Variants in NDST4 observed in about 807,000 individuals in gnomAD.
NDST4 encodes N-heparan sulfate sulfotransferase 4.
In NDST4, 63 loss-of-function variants were observed where a neutral mutation model predicts 100.8. The ratio of observed to expected loss-of-function variants is 0.62; its 90% CI spans 0.51 to 0.77. NDST4 has a LOEUF of 0.77. NDST4 is among the 30% of genes least tolerant of loss of function. NDST4 has a pLI of 0.00. For missense variants in NDST4, 943 were observed against 1,018.4 expected, an observed-to-expected ratio of 0.93 and a Z score of 1.01; for synonymous variants, 377 against 361.8, an observed-to-expected ratio of 1.04 and a Z score of -0.48.
In NDST4 at chr4:115,013,368, T is replaced by C. The variant is rs370727569; in HGVS notation, c.979-36094A>G. 1.3e-4 allele frequency among the ~76,000 whole-genome samples: 15 copies of C among 115,804 alleles called. 1 individual carries two copies. Among genetic ancestry groups the C allele is most frequent in the African/African-American group, 1.3e-4 (4 of 30,726 alleles). The allele number at this position is 115,804 out of a possible 152,430, so 76.0% of individuals were successfully genotyped here. ...TACCATATATATATATATATATATA[T>C]ATACACACACATACATACCTAATAT... On this transcript the variant is annotated intron_variant, in intron 2 of 13. Coordinates refer to ENST00000264363, the MANE Select transcript of NDST4 (RefSeq NM_022569.3).
chr4:115,092,674 G>A (rs1479099726), intron 1 of NDST4, among the ~76,000 whole-genome samples: 1 of 152,078 alleles, frequency 6.6e-6, no homozygotes, highest in South Asian at 2.1e-4. Context: ...TAAGTTAAGG[G>A]TGTATATTGT....
At chr4:114,933,545 T>C (rs1725562403) in intron 6 of NDST4, among the ~76,000 whole-genome samples, 1 of 139,776 alleles carries the variant, frequency 7.2e-6, no homozygotes, top group Non-Finnish European at 1.5e-5. Flanking sequence ...GCAACGGACA[T>C]AAATAACAGA....
chr4:115,092,637 A>G (rs975938296), intron 1 of NDST4, among the ~76,000 whole-genome samples: 2 of 152,166 alleles, frequency 1.3e-5, no homozygotes, highest in African/African-American at 4.8e-5. Context: ...TGCAAAGGTC[A>G]TAGTATCAGT....
intron 10 of NDST4, among the ~76,000 whole-genome samples, chr4:114,840,108 G>A (rs549348836): frequency 1.2e-4 from 19 of 152,136 alleles, no homozygotes; most frequent in Non-Finnish European, 2.2e-4. Context: ...AGAGAAAGCT[G>A]CTGTCTATTT....
intron 4 of NDST4, among the ~76,000 whole-genome samples, chr4:114,957,984 G>C (rs1218167409): frequency 2.6e-5 from 4 of 152,230 alleles, no homozygotes; most frequent in Non-Finnish European, 5.9e-5. Context: ...TGGCTTGAGT[G>C]TCTGTGGCTT....
chr4:114,863,780 G>A lies in NDST4; in HGVS notation c.1719+6988C>T, dbSNP rs549492865. The stretch of plus-strand genomic sequence containing the variant: ...GGTTTGTATTTGTGGAATATATGAG[G>A]CAAATTTACTTTTAAGTAAACATAA... On this transcript the variant is annotated intron_variant, in intron 7 of 13. Transcript: ENST00000264363. 5.3e-5 allele frequency among the ~76,000 whole-genome samples: 8 copies of A among 152,278 alleles called. No homozygotes were observed. In the East Asian group the frequency reaches 1.5e-3, roughly 29 times the overall value.
chr4:114,997,817 C>T (rs569452895), intron 2 of NDST4, among the ~76,000 whole-genome samples: 8 of 152,018 alleles, frequency 5.3e-5, no homozygotes, highest in South Asian at 4.2e-4. Context: ...ATTATGTTAG[C>T]GATGTTCTTT....
chr4:114,935,348 G>T lies in NDST4; in HGVS notation c.1408-14C>A, dbSNP rs746311895. ...TCGAGGGAGGACCTGAGTAAAAAAG[G>T]GGAAAAACAGCACATGGACGTGATT... is the stretch of plus-strand genomic sequence containing the variant. On this transcript the variant is annotated splice_polypyrimidine_tract_variant and intron_variant, in intron 5 of 13. Transcript: ENST00000264363. 4.5e-6 allele frequency: 7 copies of T among 1,547,902 alleles called. No homozygotes were observed. The highest frequency in any genetic ancestry group is 1.7e-6 in the Non-Finnish European group (2 of 1,147,502).
At chr4:114,951,947 A>T (rs1471131127) in intron 4 of NDST4, among the ~76,000 whole-genome samples, 1 of 152,196 alleles carries the variant, frequency 6.6e-6, no homozygotes, top group Non-Finnish European at 1.5e-5. Context: ...GAAAATACTA[A>T]TTTGCTTTAA....
chr4:115,042,556 T>C (rs968915655), intron 2 of NDST4, among the ~76,000 whole-genome samples: 4 of 152,144 alleles, frequency 2.6e-5, no homozygotes, highest in African/African-American at 9.6e-5. Context: ...TTATTATCTG[T>C]TATTTTTGTT....
chr4:115,061,533 G>A (rs1447855538), intron 2 of NDST4, among the ~76,000 whole-genome samples: 4 of 151,532 alleles, frequency 2.6e-5, no homozygotes, highest in African/African-American at 9.7e-5. Context: ...ACAGAAAACC[G>A]AACACCACAT....
Position 114,949,909 on chromosome 4 carries a change from G to A in NDST4, c.1222-12406C>T, listed in dbSNP as rs116799043. On this transcript the variant is annotated intron_variant, in intron 4 of 13. Coordinates refer to ENST00000264363, the MANE Select transcript of NDST4 (RefSeq NM_022569.3). Reference sequence around the variant, plus strand: ...ATTTAAGACATCTGTAGCCTGAAACGAGAAAGTAAAAATAAGGATGTAAAT... The same window carrying A: ...ATTTAAGACATCTGTAGCCTGAAACAAGAAAGTAAAAATAAGGATGTAAAT... 3.5e-3 allele frequency among the ~76,000 whole-genome samples: 528 copies of A among 152,126 alleles called. 3 individuals carry two copies. The highest frequency in any genetic ancestry group is 0.012 in the African/African-American group (507 of 41,548).
chr4:114,995,635 T>A (rs1218838288), intron 2 of NDST4, among the ~76,000 whole-genome samples: 1 of 152,118 alleles, frequency 6.6e-6, no homozygotes, highest in South Asian at 2.1e-4. Flanking sequence ...GAATTTTATT[T>A]GAATTCTCCA....
chr4:114,870,144 T>C (rs1198867314), intron 7 of NDST4, among the ~76,000 whole-genome samples: 1 of 152,040 alleles, frequency 6.6e-6, no homozygotes, highest in Admixed American at 6.6e-5. Flanking sequence ...AAGCAGATAG[T>C]TTACATTTGA....
intron 6 of NDST4, among the ~76,000 whole-genome samples, chr4:114,883,266 T>C (rs1724409841): frequency 6.6e-6 from 1 of 152,016 alleles, no homozygotes; most frequent in Admixed American, 6.6e-5. Flanking sequence ...AGTATAGCAT[T>C]CAAGTAAGTG....
chr4:115,028,624 G>A (rs980082674), intron 2 of NDST4, among the ~76,000 whole-genome samples: 7 of 151,878 alleles, frequency 4.6e-5, no homozygotes, highest in African/African-American at 1.5e-4. Context: ...AAAACAAGAG[G>A]ACTGTTGTAC....
intron 2 of NDST4, among the ~76,000 whole-genome samples, chr4:114,983,233 G>A (rs543392419): frequency 7.9e-5 from 12 of 152,292 alleles, no homozygotes; most frequent in South Asian, 4.1e-4. Flanking sequence ...GAGACCATCC[G>A]CCAGACCACA....
chr4:114,924,689 C>T (rs559031614), intron 6 of NDST4, among the ~76,000 whole-genome samples: 106 of 151,910 alleles, frequency 7.0e-4, no homozygotes, highest in Non-Finnish European at 1.4e-3. Context: ...CCCTGAGTTC[C>T]GGAGAGGGGC....
intron 2 of NDST4, among the ~76,000 whole-genome samples, chr4:115,027,534 A>C (rs533701890): frequency 2.6e-5 from 4 of 152,206 alleles, no homozygotes; most frequent in Admixed American, 1.3e-4. Flanking sequence ...TTTTAGAATA[A>C]ATTTTCTCAA....
Sources: gnomAD v4.1 joint callset for allele counts (sites outside exome capture counted in the v4.1 genomes callset) on GRCh38, gnomAD v4.1.1 for gene constraint, MANE v1.5 for transcripts, NCBI Gene and HGNC (gene_info 2026-07-23, HGNC 2026-07-21) for gene names.